The following MACROD2 variants were observed in gnomAD, a reference collection of about 807,000 sequenced individuals.
MACROD2 encodes the protein ADP-ribose glycohydrolase MACROD2.
In MACROD2, 36 loss-of-function variants were observed where a neutral mutation model predicts 70.4. That is an observed-to-expected ratio of 0.51 (90% CI 0.39 to 0.68). The LOEUF is 0.68. Among genes scored for constraint, MACROD2 ranks in the 30% least tolerant of loss-of-function variants. MACROD2 has a pLI of 0.00. For synonymous variants in MACROD2, 172 were observed against 178.8 expected (o/e 0.96, Z 0.30); for missense variants, 496 against 538.4 (o/e 0.92, Z 0.78).
intron 3 of MACROD2, among the ~76,000 whole-genome samples, chr20:14,194,006 A>T (rs995125335): frequency 1.3e-5 from 2 of 152,210 alleles, no homozygotes; most frequent in Non-Finnish European, 2.9e-5. Flanking sequence ...CTAACCTTTC[A>T]CACAGCGCAG....
intron 4 of MACROD2, among the ~76,000 whole-genome samples, chr20:14,564,486 TCAAATAACTCAACAAGAAAAAAA>T (rs1307551005): frequency 6.6e-6 from 1 of 151,496 alleles, no homozygotes; most frequent in Non-Finnish European, 1.5e-5. Context: ...TACAAAGAAC[TCAAATAACTCAACAAGAAAAAAA>T]CAAATAACTC....
At chr20:15,042,558 G>A (rs2075364179) in intron 5 of MACROD2, among the ~76,000 whole-genome samples, 1 of 152,162 alleles carries the variant, frequency 6.6e-6, no homozygotes, top group Non-Finnish European at 1.5e-5. Context: ...TCTCATTCTA[G>A]GGCCCACAGT....
chr20:15,614,194 C>T (rs1319309863), intron 8 of MACROD2, among the ~76,000 whole-genome samples: 6 of 152,160 alleles, frequency 3.9e-5, no homozygotes, highest in South Asian at 2.1e-4. Flanking sequence ...AAGCACCTAA[C>T]GTCATGCCAA....
intron 5 of MACROD2, among the ~76,000 whole-genome samples, chr20:15,089,254 T>C (rs761649353): frequency 5.3e-5 from 8 of 152,192 alleles, no homozygotes; most frequent in Non-Finnish European, 1.0e-4. Flanking sequence ...GTATTATCTC[T>C]TATAGCTCCT....
At chr20:14,935,287 C>G (rs1049011378) in intron 5 of MACROD2, 2 of 152,098 alleles carry the variant, frequency 1.3e-5, no homozygotes, top group Non-Finnish European at 2.9e-5. Context: ...ATTGCTCAAG[C>G]CTGTTAAGGT....
intron 8 of MACROD2, among the ~76,000 whole-genome samples, chr20:15,732,318 G>A (rs1006311819): frequency 5.9e-5 from 9 of 152,034 alleles, no homozygotes; most frequent in Non-Finnish European, 1.2e-4. Flanking sequence ...ACATTTCCTG[G>A]CATCTTCCCA....
intron 5 of MACROD2, among the ~76,000 whole-genome samples, chr20:14,992,468 CA>C (rs1179564974): frequency 5.9e-5 from 9 of 152,244 alleles, no homozygotes; most frequent in African/African-American, 2.2e-4. Flanking sequence ...AAATTATCAT[CA>C]AAACTGTATT....
At chr20:15,300,673 T>C (rs1179045682) in intron 6 of MACROD2, among the ~76,000 whole-genome samples, 13 of 152,186 alleles carry the variant, frequency 8.5e-5, no homozygotes. Flanking sequence ...TTTCTTGAGC[T>C]TCAAGAAGAA....
intron 3 of MACROD2, among the ~76,000 whole-genome samples, chr20:14,219,859 A>AGAGTCCTGT (rs1302555031): frequency 6.6e-6 from 1 of 152,172 alleles, no homozygotes; most frequent in Non-Finnish European, 1.5e-5. Context: ...TTGTCTGCAC[A>AGAGTCCTGT]GAGTCCTGTG....
chr20:14,363,071 A>T (rs1032994215), intron 3 of MACROD2, among the ~76,000 whole-genome samples: 1 of 152,080 alleles, frequency 6.6e-6, no homozygotes, highest in Non-Finnish European at 1.5e-5. Context: ...AGCCCTGAAG[A>T]CTCATATCAC....
At chr20:15,408,552 T>A (rs1049653338) in intron 6 of MACROD2, among the ~76,000 whole-genome samples, 2 of 152,228 alleles carry the variant, frequency 1.3e-5, no homozygotes, top group Non-Finnish European at 2.9e-5. Flanking sequence ...GTGTGAAGAT[T>A]CCAGAAGAAG....
chr20:15,632,985 C>T (rs922953128), intron 8 of MACROD2, among the ~76,000 whole-genome samples: 2 of 151,978 alleles, frequency 1.3e-5, no homozygotes, highest in African/African-American at 4.8e-5. Context: ...GTTCATCTCC[C>T]CATGTTATAC....
intron 6 of MACROD2, among the ~76,000 whole-genome samples, chr20:15,409,464 A>G (rs2046047734): frequency 6.6e-6 from 1 of 152,180 alleles, no homozygotes; most frequent in Admixed American, 6.6e-5. Flanking sequence ...ACGAGAAAGG[A>G]TTATTTGTTT....
chr20:15,745,413 A>C lies in MACROD2; in HGVS notation c.646-117332A>C, dbSNP rs112087547. On this transcript the variant is annotated intron_variant, in intron 8 of 17. Coordinates refer to ENST00000684519, the MANE Select transcript of MACROD2 (RefSeq NM_001351661.2). ...TAGGCATCTGGATTTCATTCGACTGAAGTGCTTTTTCAAGCACTTTTCTTT... is the reference window on the plus strand; with the variant it reads ...TAGGCATCTGGATTTCATTCGACTGCAGTGCTTTTTCAAGCACTTTTCTTT... Among the ~76,000 whole-genome samples, 1,454 of 152,216 alleles carry C rather than the reference A, an allele frequency of 9.6e-3. 9 individuals carry two copies. Among genetic ancestry groups the C allele is most frequent in the Non-Finnish European group, 0.017 (1,122 of 68,000 alleles).
At chr20:14,871,944 A>G (rs1320852539) in intron 5 of MACROD2, among the ~76,000 whole-genome samples, 2 of 152,166 alleles carry the variant, frequency 1.3e-5, no homozygotes, top group Admixed American at 6.5e-5. Flanking sequence ...CATAATGGTA[A>G]AGGGTTCAAT....
chr20:14,052,998 GTTTT>G, intron 2 of MACROD2: 1 of 143,478 alleles, frequency 7.0e-6, no homozygotes, highest in East Asian at 2.0e-4. Context: ...TAATAGTAGA[GTTTT>G]TTTTTTTCTT....
intron 3 of MACROD2, among the ~76,000 whole-genome samples, chr20:14,263,147 G>A (rs1205621099): frequency 6.6e-6 from 1 of 152,090 alleles, no homozygotes; most frequent in Non-Finnish European, 1.5e-5. Flanking sequence ...CTAGAGGAAG[G>A]AAGGGAGAGG....
chr20:14,531,270 A>G (rs1411258992), intron 4 of MACROD2, among the ~76,000 whole-genome samples: 1 of 152,194 alleles, frequency 6.6e-6, no homozygotes, highest in Non-Finnish European at 1.5e-5. Flanking sequence ...TCAAGAGGAA[A>G]TAATCCTGGA....
At position 15,911,980 on chromosome 20, in the gene MACROD2, C is replaced by T. The variant is rs146850526; in HGVS notation, c.776-21296C>T. On this transcript the variant is annotated intron_variant, in intron 10 of 17. Transcript: ENST00000684519. ...GAGATCGTGCCATTGCACTCCAGCC[C>T]GGGCAACAAGAACAAAACTCCGACT... Among the ~76,000 whole-genome samples the T allele has an allele frequency of 4.3e-3, 654 of 152,214 alleles. 5 individuals are homozygous for T. Among genetic ancestry groups the T allele is most frequent in the African/African-American group, 0.015 (607 of 41,532 alleles).
Sources: gnomAD v4.1 joint callset for allele counts (sites outside exome capture counted in the v4.1 genomes callset) on GRCh38, gnomAD v4.1.1 for gene constraint, MANE v1.5 for transcripts, NCBI Gene and HGNC (gene_info 2026-07-23, HGNC 2026-07-21) for gene names.